The following MAF variants were observed in gnomAD, a reference collection of about 807,000 sequenced individuals.
MAF encodes the protein MAF bZIP transcription factor.
MAF carries 10 observed loss-of-function variants against 22.0 expected under a neutral mutation model. The ratio of observed to expected loss-of-function variants is 0.45; its 90% confidence interval spans 0.28 to 0.77. The LOEUF (loss-of-function observed/expected upper bound fraction) is 0.77, where lower values mean the gene tolerates loss of function less well. MAF is among the 30% of genes least tolerant of loss of function. The probability of loss-of-function intolerance (pLI) is 0.12; values close to 1 mark genes in which losing one functional copy is unlikely to be tolerated. For missense variants in MAF, 544 were observed against 548.4 expected (o/e 0.99, Z 0.08); for synonymous variants, 337 against 255.8 (o/e 1.32, Z -3.03).
chr16:79,314,795 C>T, the MAF span, among the ~76,000 whole-genome samples: 2 of 152,160 alleles, frequency 1.3e-5, no homozygotes, highest in African/African-American at 4.8e-5. Flanking sequence ...CCACGATGCA[C>T]CTCTCCATCC....
At chr16:79,327,202 T>G in the MAF span, among the ~76,000 whole-genome samples, 1 of 152,150 alleles carries the variant, frequency 6.6e-6, no homozygotes, top group Admixed American at 6.5e-5. Context: ...GGGCAGGGGC[T>G]TTAGGGGGAA....
At chr16:79,360,425 G>C in the MAF span, among the ~76,000 whole-genome samples, 1 of 152,144 alleles carries the variant, frequency 6.6e-6, no homozygotes, top group Non-Finnish European at 1.5e-5. Flanking sequence ...TTAAATCCCA[G>C]CTCTACCACT....
the MAF span, among the ~76,000 whole-genome samples, chr16:79,545,026 C>A: frequency 1.3e-5 from 2 of 152,122 alleles, no homozygotes; most frequent in Admixed American, 1.3e-4. Context: ...CCACTGGCTC[C>A]CTCAGGCCAG....
At chr16:79,268,578 A>G in the MAF span, among the ~76,000 whole-genome samples, 1 of 152,230 alleles carries the variant, frequency 6.6e-6, no homozygotes. Context: ...CAGGTTTTGC[A>G]ACAACAGACA....
chr16:79,596,269 A>G (rs1027949952), intron 1 of MAF: 2 of 1,058,522 alleles, frequency 1.9e-6, no homozygotes, highest in African/African-American at 3.3e-5. Context: ...GGAGAAAAAA[A>G]TGAGGTCATA....
chr16:79,390,563 G>T, the MAF span, among the ~76,000 whole-genome samples: 1 of 152,080 alleles, frequency 6.6e-6, no homozygotes, highest in African/African-American at 2.4e-5. Flanking sequence ...ACACATCAAG[G>T]AACAGACTGC....
At chr16:79,489,533 TC>T in the MAF span, among the ~76,000 whole-genome samples, 3 of 152,208 alleles carry the variant, frequency 2.0e-5, no homozygotes, top group African/African-American at 4.8e-5. Flanking sequence ...GGGAGGAACT[TC>T]CCTGTTGGGG....
At chr16:79,366,974 G>A in the MAF span, among the ~76,000 whole-genome samples, 3 of 152,130 alleles carry the variant, frequency 2.0e-5, no homozygotes, top group African/African-American at 7.2e-5. Flanking sequence ...GTAAATATTA[G>A]TTGCCATTGT....
At chr16:79,275,967 C>T in the MAF span, among the ~76,000 whole-genome samples, 1 of 152,090 alleles carries the variant, frequency 6.6e-6, no homozygotes, top group African/African-American at 2.4e-5. Flanking sequence ...CGGTGAAATC[C>T]TGTCTCTACT....
the MAF span, among the ~76,000 whole-genome samples, chr16:79,434,699 G>T: frequency 2.0e-5 from 3 of 151,680 alleles, no homozygotes; most frequent in Non-Finnish European, 2.9e-5. Flanking sequence ...TTTTAATAGA[G>T]AACATCATCA....
At chr16:79,504,909 A>G in the MAF span, among the ~76,000 whole-genome samples, 2 of 152,292 alleles carry the variant, frequency 1.3e-5, no homozygotes, top group Admixed American at 1.3e-4. Context: ...AAACACATAC[A>G]CACACAGTGT....
the MAF span, among the ~76,000 whole-genome samples, chr16:79,255,630 C>G: frequency 6.6e-6 from 1 of 152,318 alleles, no homozygotes; most frequent in South Asian, 2.1e-4. Flanking sequence ...CTTCTAAACT[C>G]TTGGTCTGTG....
At chr16:79,303,141 C>T in the MAF span, among the ~76,000 whole-genome samples, 2 of 152,202 alleles carry the variant, frequency 1.3e-5, no homozygotes, top group East Asian at 3.9e-4. Flanking sequence ...GGAGGCGTCC[C>T]CACTCCCAGC....
the MAF span, among the ~76,000 whole-genome samples, chr16:79,556,918 C>G: frequency 6.6e-6 from 1 of 151,938 alleles, no homozygotes; most frequent in South Asian, 2.1e-4. Flanking sequence ...TAAGTACCAG[C>G]TTTGCTGATT....
At chr16:79,326,674 A>G in the MAF span, among the ~76,000 whole-genome samples, 4 of 152,234 alleles carry the variant, frequency 2.6e-5, no homozygotes, top group African/African-American at 9.6e-5. Context: ...CTGCAGTTCC[A>G]GCAGGAAAGC....
the MAF span, among the ~76,000 whole-genome samples, chr16:79,363,161 C>T: frequency 6.7e-6 from 1 of 148,720 alleles, no homozygotes; most frequent in Non-Finnish European, 1.5e-5. Flanking sequence ...GCTCCTAACT[C>T]ATGATAGAAA....
the MAF span, among the ~76,000 whole-genome samples, chr16:79,493,871 GTCTCT>G: frequency 6.6e-6 from 1 of 150,998 alleles, no homozygotes; most frequent in South Asian, 2.1e-4. Context: ...CTGCCCCTTA[GTCTCT>G]ATTCTTGGTG....
At chr16:79,240,563 A>T in the MAF span, among the ~76,000 whole-genome samples, 11 of 146,788 alleles carry the variant, frequency 7.5e-5, no homozygotes, top group Middle Eastern at 0.01. Flanking sequence ...TTGATAAAAA[A>T]CCCCCATCTC....
the MAF span, among the ~76,000 whole-genome samples, chr16:79,320,322 C>T: frequency 6.6e-6 from 1 of 152,132 alleles, no homozygotes; most frequent in Non-Finnish European, 1.5e-5. Context: ...CTAAAACATC[C>T]ACCAGAGAAG....
Sources: allele counts gnomAD v4.1 joint callset (sites outside exome capture counted in the v4.1 genomes callset), GRCh38; gene constraint gnomAD v4.1.1; transcripts MANE v1.5; gene names NCBI Gene and HGNC (gene_info 2026-07-23, HGNC 2026-07-21).